ETV6: variants seen among roughly 807,000 people sequenced by gnomAD.
The protein encoded by ETV6 is ETS variant transcription factor 6.
Under a neutral mutation model 51.1 loss-of-function variants are expected in ETV6, and 16 were observed. The observed-to-expected ratio is 0.31, with a 90% CI of 0.21 to 0.48. ETV6 has a LOEUF of 0.48. ETV6 is among the 20% of genes least tolerant of loss of function. The probability of loss-of-function intolerance (pLI) is 0.99; values close to 1 mark genes in which losing one functional copy is unlikely to be tolerated. For synonymous variants in ETV6, 240 were observed against 224.1 expected (o/e 1.07, Z -0.64); for missense variants, 458 against 594.8 (o/e 0.77, Z 2.39).
intron 2 of ETV6, among the ~76,000 whole-genome samples, chr12:11,778,348 T>C (rs970183099): frequency 6.6e-6 from 1 of 152,218 alleles, no homozygotes; most frequent in Non-Finnish European, 1.5e-5. Flanking sequence ...AATATAGCCC[T>C]GTCTGTTGTG....
At chr12:11,677,832 A>ATGTT (rs1864450552) in intron 1 of ETV6, among the ~76,000 whole-genome samples, 1 of 152,196 alleles carries the variant, frequency 6.6e-6, no homozygotes, top group South Asian at 2.1e-4. Context: ...TACCATGATA[A>ATGTT]TGTTTGTAAA....
chr12:11,729,482 G>A (rs766377153), intron 1 of ETV6, among the ~76,000 whole-genome samples: 4 of 152,160 alleles, frequency 2.6e-5, no homozygotes, highest in Non-Finnish European at 4.4e-5. Context: ...GACTCTCCCC[G>A]AATCTGAGAG....
At chr12:11,768,017 A>G (rs1945187450) in intron 2 of ETV6, among the ~76,000 whole-genome samples, 1 of 152,152 alleles carries the variant, frequency 6.6e-6, no homozygotes, top group Non-Finnish European at 1.5e-5. Flanking sequence ...GGGAACACTC[A>G]GGATATTTCC....
intron 1 of ETV6, among the ~76,000 whole-genome samples, chr12:11,663,332 C>A (rs966934528): frequency 6.6e-6 from 1 of 152,158 alleles, no homozygotes; most frequent in African/African-American, 2.4e-5. Flanking sequence ...TGACACAATG[C>A]CTTTATGGGC....
chr12:11,688,879 A>G (rs1267644003), intron 1 of ETV6, among the ~76,000 whole-genome samples: 3 of 151,902 alleles, frequency 2.0e-5, no homozygotes, highest in African/African-American at 7.2e-5. Context: ...TTTCTTCTAC[A>G]TGCTGATTAA....
chr12:11,845,944 A>G (rs950369033), intron 3 of ETV6, among the ~76,000 whole-genome samples: 7 of 151,578 alleles, frequency 4.6e-5, no homozygotes, highest in African/African-American at 1.7e-4. Flanking sequence ...GTGAGCCGAG[A>G]TCACGCCATT....
At chr12:11,676,460 G>A (rs1864423183) in intron 1 of ETV6, among the ~76,000 whole-genome samples, 1 of 152,194 alleles carries the variant, frequency 6.6e-6, no homozygotes, top group African/African-American at 2.4e-5. Context: ...CTTGCTCTTT[G>A]TCTTGGACTG....
At chr12:11,752,720 C>G (rs1380698204) in intron 2 of ETV6, 141 bp downstream of exon 2, 2 of 1,004,408 alleles carry the variant, frequency 2.0e-6, no homozygotes, top group Non-Finnish European at 2.8e-6. Context: ...ATCTTTCACA[C>G]CCCCCTACCC....
At chr12:11,766,838 TA>T (rs1376309094) in intron 2 of ETV6, among the ~76,000 whole-genome samples, 2 of 152,212 alleles carry the variant, frequency 1.3e-5, no homozygotes, top group Non-Finnish European at 2.9e-5. Context: ...GCAGTAAATG[TA>T]AGTGCTATTC....
intron 1 of ETV6, among the ~76,000 whole-genome samples, chr12:11,669,223 G>A (rs990175941): frequency 2.6e-5 from 4 of 152,212 alleles, no homozygotes; most frequent in South Asian, 2.1e-4. Context: ...CATAAGGTGC[G>A]CAGTTGCCAA....
At position 11,885,982 on chromosome 12, in the gene ETV6, A is replaced by G. The variant is rs762990839; in HGVS notation, c.1209A>G (p.Lys403=). ...KMSRALRHYY[K]LNIIRKEPGQ... is the part of the protein sequence containing the mutation. ...CCAGAGCCCTGCGCCACTACTACAA[A>G]CTAAACATTATCAGGAAGGAGCCAG... Residue 403 remains lysine (K), a synonymous_variant, in exon 7 of 8, where the codon AAA becomes AAG. Coordinates refer to ENST00000396373, the MANE Select transcript of ETV6 (RefSeq NM_001987.5). 6.2e-7 allele frequency: 1 copy of G among 1,614,042 alleles called. No homozygotes were observed. The highest frequency in any genetic ancestry group is 2.2e-5 in the East Asian group (1 of 44,882).
At chr12:11,736,172 C>T (rs781736246) in intron 1 of ETV6, among the ~76,000 whole-genome samples, 4 of 152,180 alleles carry the variant, frequency 2.6e-5, no homozygotes, top group Non-Finnish European at 5.9e-5. Context: ...TTAGCAGTGC[C>T]AGGCACATAT....
At chr12:11,735,261 C>G (rs981481153) in intron 1 of ETV6, among the ~76,000 whole-genome samples, 1 of 152,018 alleles carries the variant, frequency 6.6e-6, no homozygotes, top group Admixed American at 6.5e-5. Flanking sequence ...AAAGTACCTC[C>G]CAGGATAGAA....
chr12:11,828,083 A>G (rs1946185671), intron 2 of ETV6, among the ~76,000 whole-genome samples: 2 of 152,062 alleles, frequency 1.3e-5, no homozygotes, highest in South Asian at 4.2e-4. Context: ...TTCTTCTTAA[A>G]CTCAGGCTTC....
At chr12:11,870,307 AG>A (rs1338576364) in intron 5 of ETV6, among the ~76,000 whole-genome samples, 1 of 152,152 alleles carries the variant, frequency 6.6e-6, no homozygotes, top group African/African-American at 2.4e-5. Context: ...TGAAGTTTCC[AG>A]CAGCTAATTA....
chr12:11,788,837 CT>C, intron 2 of ETV6, among the ~76,000 whole-genome samples: 1 of 151,048 alleles, frequency 6.6e-6, no homozygotes, highest in Non-Finnish European at 1.5e-5. Context: ...TTTCTTCCCC[CT>C]ACCCCAACCC....
intron 2 of ETV6, among the ~76,000 whole-genome samples, chr12:11,808,143 AT>A (rs1435332488): frequency 6.6e-6 from 1 of 152,198 alleles, no homozygotes; most frequent in Non-Finnish European, 1.5e-5. Flanking sequence ...CAAATATTTG[AT>A]AACAAGGATG....
intron 5 of ETV6, among the ~76,000 whole-genome samples, chr12:11,880,063 C>CCTTTTTTTTTTTTTTTTTTTT (rs2136577204): frequency 7.2e-6 from 1 of 139,448 alleles, no homozygotes; most frequent in African/African-American, 2.6e-5. Context: ...GAAAAAAAAT[C>CCTTTTTTTTTTTTTTTTTTTT]TATTGTGTGG....
chr12:11,819,169 C>G (rs1946039198), intron 2 of ETV6, among the ~76,000 whole-genome samples: 1 of 152,138 alleles, frequency 6.6e-6, no homozygotes, highest in African/African-American at 2.4e-5. Context: ...CACATGGTGT[C>G]CTCCTCCTCA....
Sources: gnomAD v4.1 joint callset for allele counts (sites outside exome capture counted in the v4.1 genomes callset) on GRCh38, gnomAD v4.1.1 for gene constraint, MANE v1.5 for transcripts, NCBI Gene and HGNC (gene_info 2026-07-23, HGNC 2026-07-21) for gene names.